The following ACACA variants were observed in gnomAD, a reference collection of about 807,000 sequenced individuals.
The protein encoded by ACACA is acetyl-CoA carboxylase alpha, also known as acetyl-CoA carboxylase 1.
ACACA carries 103 observed loss-of-function variants against 296.1 expected under a neutral mutation model. The ratio of observed to expected loss-of-function variants is 0.35; its 90% CI spans 0.30 to 0.41. The LOEUF is 0.41. Among genes scored for constraint, ACACA ranks in the 10% least tolerant of loss-of-function variants. The pLI is 1.00. For synonymous variants in ACACA, 953 were observed against 1,038.6 expected (o/e 0.92, Z 1.58); for missense variants, 1,554 against 2,989.7 (o/e 0.52, Z 11.20).
chr17:37,143,743 CT>C (rs1332616370), intron 45 of ACACA: 4 of 920,432 alleles, frequency 4.3e-6, no homozygotes, highest in Non-Finnish European at 7.2e-6. Flanking sequence ...CCTCATCTTC[CT>C]TGTTTTTCTT....
intron 16 of ACACA, among the ~76,000 whole-genome samples, chr17:37,250,233 G>C (rs1313319160): frequency 6.6e-6 from 1 of 152,200 alleles, no homozygotes; most frequent in Non-Finnish European, 1.5e-5. Flanking sequence ...ATTTACTATA[G>C]GGGACGGAAA....
At chr17:37,228,175 A>G (rs1025408043) in intron 25 of ACACA, among the ~76,000 whole-genome samples, 1 of 148,564 alleles carries the variant, frequency 6.7e-6, no homozygotes, top group Admixed American at 6.7e-5. Flanking sequence ...GAAATACTCA[A>G]TGCCATTATG....
At position 37,175,148 on chromosome 17, in the gene ACACA, C is replaced by G. The variant is rs994531587; in HGVS notation, c.5079+4112G>C. Among the ~76,000 whole-genome samples the G allele has an allele frequency of 5.9e-5, 9 of 152,160 alleles. 1 individual carries two copies. Among genetic ancestry groups the G allele is most frequent in the Admixed American group, 5.9e-4 (9 of 15,274 alleles). The stretch of plus-strand genomic sequence containing the variant: ...TCAGCATTGCCCACTTTAGAGATTA[C>G]TGGTCTAGTTCGCAGAGCTGATAAA... On this transcript the variant is annotated intron_variant, in intron 41 of 55. Transcript: ENST00000616317.
chr17:37,268,348 C>T (rs1423547986), intron 10 of ACACA, among the ~76,000 whole-genome samples: 1 of 152,142 alleles, frequency 6.6e-6, no homozygotes, highest in East Asian at 1.9e-4. Flanking sequence ...CACTAGCAAT[C>T]CTAAAACATC....
intron 39 of ACACA, among the ~76,000 whole-genome samples, chr17:37,183,462 T>C (rs1429200718): frequency 6.6e-6 from 1 of 152,196 alleles, no homozygotes; most frequent in African/African-American, 2.4e-5. Flanking sequence ...GCAGCTTTAT[T>C]ACTACTAATA....
intron 23 of ACACA, among the ~76,000 whole-genome samples, chr17:37,241,070 CTGTAGTCCCAGCTACTCAAGAGGCTGAGG>C (rs1403784197): frequency 6.6e-6 from 1 of 152,066 alleles, no homozygotes; most frequent in Non-Finnish European, 1.5e-5. Context: ...TAGCATGTGA[CTGTAGTCCCAGCTACTCAAGAGGCTGAGG>C]TGGGAGGATT....
rs184085872 is a variant in ACACA, at chr17:37,295,543, C to G, written c.339-10573G>C. Among the ~76,000 whole-genome samples, 130 of 152,256 alleles carry G rather than the reference C, an allele frequency of 8.5e-4. 1 individual carries two copies. In the Middle Eastern group the frequency reaches 0.017, roughly 20 times the overall value. On this transcript the variant is annotated intron_variant, in intron 3 of 55. Transcript: ENST00000616317. ...GTGGCTCATGTCTGTAATTCCAGCA[C>G]TTTGGGAGGTAAATGTGGGGGGATA...
chr17:37,341,681 C>T (rs1360893843), intron 1 of ACACA, among the ~76,000 whole-genome samples: 2 of 148,052 alleles, frequency 1.4e-5, no homozygotes, highest in Non-Finnish European at 3.0e-5. Context: ...CAGAGCAAGA[C>T]TCTGTCTCAA....
At chr17:37,316,928 C>T (rs2047121322) in intron 3 of ACACA, among the ~76,000 whole-genome samples, 1 of 151,976 alleles carries the variant, frequency 6.6e-6, no homozygotes, top group Admixed American at 6.6e-5. Context: ...CAAAAATTAG[C>T]TGGGTGTGGT....
At chr17:37,262,955 C>G (rs1057253755) in intron 11 of ACACA, among the ~76,000 whole-genome samples, 1 of 152,112 alleles carries the variant, frequency 6.6e-6, no homozygotes, top group Non-Finnish European at 1.5e-5. Flanking sequence ...GTCTCGAATT[C>G]CAGGGCTCAA....
chr17:37,163,051 C>A, intron 41 of ACACA: 1 of 155,264 alleles, frequency 6.4e-6, no homozygotes, highest in South Asian at 1.7e-4. Flanking sequence ...TTCCATGACT[C>A]CGAGATCAAG....
intron 3 of ACACA, among the ~76,000 whole-genome samples, chr17:37,295,411 TG>T (rs1433560951): frequency 2.0e-5 from 3 of 152,198 alleles, no homozygotes; most frequent in African/African-American, 7.2e-5. Context: ...TACAAGTTCT[TG>T]GTGTTTTGAA....
chr17:37,123,074 A>G (rs2074603557), intron 48 of ACACA, among the ~76,000 whole-genome samples: 1 of 152,220 alleles, frequency 6.6e-6, no homozygotes, highest in East Asian at 1.9e-4. Context: ...GACCTTGCTG[A>G]AATGGAGCTG....
rs974025871 is a variant in ACACA, at chr17:37,141,695, G to GT, written c.5679+8168dup. Among the ~76,000 whole-genome samples the GT allele has an allele frequency of 2.3e-3, 344 of 148,298 alleles. 1 individual carries two copies. Among genetic ancestry groups the GT allele is most frequent in the Middle Eastern group, 7.0e-3 (2 of 284 alleles). On this transcript the variant is annotated intron_variant, in intron 45 of 55. Coordinates refer to ENST00000616317, the MANE Select transcript of ACACA (RefSeq NM_198834.3). ...GGAGAAGAACAATCAAAAGTTTTTT[G>GT]TTTTTTTTTTTCTGAGATGGAGTTT...
intron 1 of ACACA, among the ~76,000 whole-genome samples, chr17:37,347,208 C>G (rs1276776696): frequency 6.6e-6 from 1 of 152,188 alleles, no homozygotes; most frequent in Non-Finnish European, 1.5e-5. Flanking sequence ...TTTCCCTGCA[C>G]AAGCTCTCTC....
chr17:37,097,869 G>C lies in ACACA; in HGVS notation c.6681C>G (p.His2227Gln), dbSNP rs773626536. The C allele has an allele frequency of 1.2e-6, 2 of 1,614,144 alleles. No individual in the cohort carries two copies. Among genetic ancestry groups the C allele is most frequent in the Non-Finnish European group, 1.7e-6 (2 of 1,180,034 alleles). Residue 2227 changes from histidine to glutamine, a missense_variant, in exon 53 of 56, where the codon CAC becomes CAG. By Grantham distance (24) the His-to-Gln change is conservative. Coordinates refer to ENST00000616317, the MANE Select transcript of ACACA (RefSeq NM_198834.3). The surrounding 1 kb of genome is among the most constrained non-coding windows in gnomAD (Gnocchi z 4.8). ...HQVAVQFADL[H>Q]DTPGRMQEKG... Reference sequence around the variant, plus strand: ...TCTCCTGCATCCGGCCTGGTGTGTCGTGCAAGTCAGCAAACTGCACGGCTA... The same window carrying C: ...TCTCCTGCATCCGGCCTGGTGTGTCCTGCAAGTCAGCAAACTGCACGGCTA...
At chr17:37,270,471 G>T (rs2302800) in intron 10 of ACACA, among the ~76,000 whole-genome samples, 72,314 of 151,954 alleles carry the variant, frequency 0.48, 19,244 homozygotes, top group East Asian at 0.75. Context: ...ATACGCACCA[G>T]GTAGGAAAGA....
chr17:37,131,846 C>T (rs1055432390), intron 45 of ACACA, among the ~76,000 whole-genome samples: 3 of 152,208 alleles, frequency 2.0e-5, no homozygotes, highest in Non-Finnish European at 4.4e-5. Flanking sequence ...GATAAGGAAG[C>T]GCAGAGAACA....
intron 39 of ACACA, among the ~76,000 whole-genome samples, chr17:37,181,952 G>A (rs1374824506): frequency 6.7e-6 from 1 of 149,298 alleles, no homozygotes; most frequent in African/African-American, 2.5e-5. Context: ...AAAGCACGGT[G>A]CACATTTCGC....
Sources: allele counts gnomAD v4.1 joint callset (sites outside exome capture counted in the v4.1 genomes callset), GRCh38; gene constraint gnomAD v4.1.1; non-coding constraint Gnocchi (gnomAD v3.1); transcripts MANE v1.5; gene names NCBI Gene and HGNC (gene_info 2026-07-23, HGNC 2026-07-21).